NEBL: variants seen among roughly 807,000 people sequenced by gnomAD.
NEBL encodes the protein LIM and SH3 protein 2.
Under a neutral mutation model 140.2 loss-of-function variants are expected in NEBL, and 122 were observed. The ratio of observed to expected loss-of-function variants is 0.87; its 90% CI spans 0.75 to 1.01. NEBL has a LOEUF of 1.01. NEBL is among the 50% of genes least tolerant of loss of function. The probability of loss-of-function intolerance (pLI) is 0.00; values close to 1 mark genes in which losing one functional copy is unlikely to be tolerated. For synonymous variants in NEBL, 436 were observed against 398.9 expected, an observed-to-expected ratio of 1.09 and a Z score of -1.11; for missense variants, 1,365 against 1,231.3, an observed-to-expected ratio of 1.11 and a Z score of -1.62.
chr10:21,091,261 C>A (rs936558748), intron 2 of NEBL, among the ~76,000 whole-genome samples: 1 of 152,158 alleles, frequency 6.6e-6, no homozygotes, highest in Non-Finnish European at 1.5e-5. Context: ...CCGGAGGTTG[C>A]CCCTTATGAA....
At chr10:20,851,961 T>C (rs1842581871) in intron 10 of NEBL, among the ~76,000 whole-genome samples, 1 of 146,640 alleles carries the variant, frequency 6.8e-6, no homozygotes, top group African/African-American at 2.5e-5. Context: ...TATAATATTT[T>C]ATCTTAACAG....
rs527701719 is a variant in NEBL, at chr10:21,074,671, G to T, written c.165-54470C>A. 1.4e-4 allele frequency among the ~76,000 whole-genome samples: 22 copies of T among 151,964 alleles called. No individual in the cohort carries two copies. The East Asian group carries it at 4.1e-3, about 28-fold the overall frequency. On this transcript the variant is annotated intron_variant, in intron 2 of 6. Coordinates refer to the NEBL transcript ENST00000417816. ...TTTTTTGTACTTTCAGTAGAGACGG[G>T]GTTTCACTGTGTTAGCCAGGATGAT...
chr10:20,970,453 A>G (rs1375231748), intron 3 of NEBL, among the ~76,000 whole-genome samples: 2 of 152,238 alleles, frequency 1.3e-5, no homozygotes, highest in East Asian at 1.9e-4. Flanking sequence ...AGCCTGGGCA[A>G]CACAGTGAGA....
chr10:21,059,720 G>A (rs1015673264), intron 2 of NEBL, among the ~76,000 whole-genome samples: 1 of 152,168 alleles, frequency 6.6e-6, no homozygotes, highest in African/African-American at 2.4e-5. Context: ...TTTCAGTCAT[G>A]TAACATTAGG....
intron 3 of NEBL, among the ~76,000 whole-genome samples, chr10:21,201,078 C>T (rs1032466497): frequency 7.4e-6 from 1 of 134,782 alleles, no homozygotes; most frequent in African/African-American, 2.7e-5. Context: ...AGATTCTGTC[C>T]AAAAAAAAAA....
intron 2 of NEBL, among the ~76,000 whole-genome samples, chr10:21,109,620 A>C (rs1589242857): frequency 6.6e-6 from 1 of 152,066 alleles, no homozygotes; most frequent in Admixed American, 6.6e-5. Context: ...CTGTGAATCC[A>C]TCTGGTCCTG....
chr10:21,093,771 G>A (rs1837034390), intron 2 of NEBL, among the ~76,000 whole-genome samples: 2 of 152,178 alleles, frequency 1.3e-5, no homozygotes, highest in South Asian at 4.1e-4. Flanking sequence ...AAAATCTACT[G>A]CTTCGTAAAC....
chr10:21,182,015 A>G (rs1344388558), intron 3 of NEBL, among the ~76,000 whole-genome samples: 1 of 152,256 alleles, frequency 6.6e-6, no homozygotes, highest in Admixed American at 6.5e-5. Flanking sequence ...GCCCATCAGC[A>G]GACGCATCTG....
At chr10:21,011,575 C>G (rs1176556212) in intron 3 of NEBL, among the ~76,000 whole-genome samples, 1 of 152,184 alleles carries the variant, frequency 6.6e-6, no homozygotes, top group African/African-American at 2.4e-5. Context: ...TCCTTCTCTC[C>G]TCGAACTCCT....
chr10:21,033,669 G>C (rs963027251), intron 2 of NEBL, among the ~76,000 whole-genome samples: 1 of 151,530 alleles, frequency 6.6e-6, no homozygotes, highest in Non-Finnish European at 1.5e-5. Flanking sequence ...GAACCTGGGA[G>C]GCAGAGGTTG....
chr10:20,997,927 G>T (rs931039934), intron 3 of NEBL, among the ~76,000 whole-genome samples: 4 of 151,976 alleles, frequency 2.6e-5, no homozygotes, highest in Non-Finnish European at 4.4e-5. Context: ...ACCTCCAAAT[G>T]AAAAGTTTAC....
At chr10:21,012,590 T>G (rs1309125269) in intron 3 of NEBL, among the ~76,000 whole-genome samples, 2 of 152,082 alleles carry the variant, frequency 1.3e-5, no homozygotes, top group Non-Finnish European at 1.5e-5. Flanking sequence ...CCTAGGCTGA[T>G]CTTGAATCCT....
chr10:20,812,886 C>G lies in NEBL; in HGVS notation c.2401G>C (p.Val801Leu), dbSNP rs772136984. The G allele has an allele frequency of 9.9e-6, 16 of 1,613,868 alleles. No homozygotes were observed. Among genetic ancestry groups the G allele is most frequent in the Non-Finnish European group, 1.3e-5 (15 of 1,179,932 alleles). The change falls in exon 24 of 28, where the codon GTG becomes CTG. Residue 801 changes from valine to leucine, a missense_variant. Coordinates refer to ENST00000377122, the MANE Select transcript of NEBL (RefSeq NM_006393.3). ...ACTCTCTCTGTCACAGGATCGTCCA[C>G]GACGGGAGTAAAGCCTCTCCCCTTT... Reference protein sequence around the residue: ...KTKGRGFTPVVDDPVTERVRK... With the variant: ...KTKGRGFTPVLDDPVTERVRK...
At chr10:21,044,397 TAAA>T (rs57176129) in intron 2 of NEBL, among the ~76,000 whole-genome samples, 74 of 34,844 alleles carry the variant, frequency 2.1e-3, no homozygotes, top group Middle Eastern at 0.042. Flanking sequence ...AGAGTAAGAA[TAAA>T]AAAAAAAAAA....
chr10:21,037,699 A>T (rs1211201983), intron 2 of NEBL, among the ~76,000 whole-genome samples: 1 of 152,188 alleles, frequency 6.6e-6, no homozygotes, highest in Non-Finnish European at 1.5e-5. Context: ...ATAAAATTTA[A>T]AAAGTGATTT....
chr10:21,241,272 AT>A (rs1271505684), intron 3 of NEBL, among the ~76,000 whole-genome samples: 2 of 151,292 alleles, frequency 1.3e-5, no homozygotes, highest in African/African-American at 4.8e-5. Context: ...AAATAAATAA[AT>A]AAATAAATAA....
chr10:21,190,419 G>C (rs1039342021), intron 3 of NEBL, among the ~76,000 whole-genome samples: 1 of 152,142 alleles, frequency 6.6e-6, no homozygotes, highest in Admixed American at 6.5e-5. Flanking sequence ...GGGAGGTAGA[G>C]GCTACATTGA....
intron 3 of NEBL, among the ~76,000 whole-genome samples, chr10:21,227,434 G>A (rs1284421834): frequency 2.0e-5 from 3 of 152,194 alleles, no homozygotes; most frequent in Admixed American, 2.0e-4. Context: ...TTTAAAGGAG[G>A]TGAACAATAA....
At chr10:21,271,234 G>C (rs1476833512) in intron 1 of NEBL, among the ~76,000 whole-genome samples, 1 of 152,184 alleles carries the variant, frequency 6.6e-6, no homozygotes, top group African/African-American at 2.4e-5. Context: ...GTTATGCTAA[G>C]TGAAATAAGC....
Sources: allele counts gnomAD v4.1 joint callset (sites outside exome capture counted in the v4.1 genomes callset), GRCh38; gene constraint gnomAD v4.1.1; transcripts MANE v1.5; gene names NCBI Gene and HGNC (gene_info 2026-07-23, HGNC 2026-07-21).